CRACDL: variants seen among roughly 807,000 people sequenced by gnomAD.
CRACDL encodes the protein CRACD like, also known as CRACD-like protein.
Under a neutral mutation model 70.6 loss-of-function variants are expected in CRACDL, and 26 were observed. The ratio of observed to expected loss-of-function variants is 0.37; its 90% CI spans 0.27 to 0.51. The LOEUF (loss-of-function observed/expected upper bound fraction) is 0.51. Ranked by LOEUF, CRACDL falls within the 20% of genes least tolerant of loss-of-function variation. The pLI, the probability that CRACDL is intolerant of heterozygous loss-of-function variation, is 0.94. For synonymous variants in CRACDL, 618 were observed against 615.2 expected (o/e 1.00, Z -0.07); for missense variants, 1,283 against 1,376.9 (o/e 0.93, Z 1.08).
At chr2:98,902,415 G>A (rs2104659203) in intron 1 of CRACDL, among the ~76,000 whole-genome samples, 1 of 152,232 alleles carries the variant, frequency 6.6e-6, no homozygotes, top group East Asian at 1.9e-4. Flanking sequence ...CCTTTCCCTT[G>A]AGGACTCCAG....
At chr2:98,815,329 C>T (rs1379984808) in intron 7 of CRACDL, among the ~76,000 whole-genome samples, 1 of 152,198 alleles carries the variant, frequency 6.6e-6, no homozygotes, top group African/African-American at 2.4e-5. Context: ...TGTGCTCATT[C>T]TAGTCAGTTT....
At chr2:98,836,321 A>G (rs1300205757) in intron 3 of CRACDL, among the ~76,000 whole-genome samples, 1 of 152,134 alleles carries the variant, frequency 6.6e-6, no homozygotes, top group Non-Finnish European at 1.5e-5. Context: ...AGACTCTCCC[A>G]CAGGCCAAGC....
chr2:98,931,071 TC>T (rs1463670510), intron 1 of CRACDL, among the ~76,000 whole-genome samples: 1 of 152,104 alleles, frequency 6.6e-6, no homozygotes, highest in African/African-American at 2.4e-5. Flanking sequence ...ACGCCTGTAA[TC>T]CCAGCACTTC....
chr2:98,825,874 C>G (rs996731610), intron 6 of CRACDL, among the ~76,000 whole-genome samples: 1 of 152,254 alleles, frequency 6.6e-6, no homozygotes, highest in Non-Finnish European at 1.5e-5. Context: ...GGAAAACTCA[C>G]TCTCTTCAGG....
chr2:98,908,962 C>T (rs1708480899), intron 1 of CRACDL, among the ~76,000 whole-genome samples: 1 of 152,222 alleles, frequency 6.6e-6, no homozygotes, highest in Non-Finnish European at 1.5e-5. Context: ...GAGGTCTACA[C>T]ACGGAAAAAG....
intron 2 of CRACDL, among the ~76,000 whole-genome samples, chr2:98,838,617 T>C (rs1370638907): frequency 6.6e-6 from 1 of 152,178 alleles, no homozygotes; most frequent in Non-Finnish European, 1.5e-5. Flanking sequence ...CAGTGAGCTA[T>C]GATTGCACCG....
At chr2:98,868,122 T>C (rs543855115) in intron 1 of CRACDL, among the ~76,000 whole-genome samples, 7 of 152,344 alleles carry the variant, frequency 4.6e-5, no homozygotes, top group South Asian at 2.1e-4. Flanking sequence ...TGATGACTTA[T>C]ATGCACAGGG....
At chr2:98,930,827 A>T (rs1709055357) in intron 1 of CRACDL, among the ~76,000 whole-genome samples, 1 of 152,242 alleles carries the variant, frequency 6.6e-6, no homozygotes. Flanking sequence ...ACTGGTAGTT[A>T]TAACAAATGC....
chr2:98,844,981 G>A (rs752172584), intron 2 of CRACDL, among the ~76,000 whole-genome samples: 5 of 152,122 alleles, frequency 3.3e-5, no homozygotes, highest in African/African-American at 9.7e-5. Context: ...ACTCAGATTT[G>A]GTAGCTCCTT....
chr2:98,846,751 C>A lies in CRACDL; in HGVS notation c.50G>T (p.Gly17Val). 6.2e-7 allele frequency: 1 copy of A among 1,614,218 alleles called. No individual in the cohort carries two copies. Among genetic ancestry groups the A allele is most frequent in the Non-Finnish European group, 8.5e-7 (1 of 1,180,014 alleles). The change falls in exon 2 of 10, where the codon GGC (glycine) becomes GTC (valine). Residue 17 changes from glycine (G) to valine (V), a missense_variant. Coordinates refer to ENST00000397899, the MANE Select transcript of CRACDL (RefSeq NM_207362.3). The part of the protein sequence containing the change: ...MDIKLREAAE[G>V]LGEDSTGKKK... ...CTTACCTGTGCTGTCCTCCCCAAGG[C>A]CTTCTGCAGCCTCCCGAAGCTTAAT... is the stretch of plus-strand genomic sequence containing the variant.
rs191884713 is a variant in CRACDL, at chr2:98,848,777, G to A, written c.-10-1967C>T. Among the ~76,000 whole-genome samples, 54 of 152,244 alleles carry A rather than the reference G, an allele frequency of 3.5e-4. No homozygotes were observed. The East Asian group carries it at 6.8e-3, about 19-fold the overall frequency. ...AATTTTTTGTATTTTTTGTAGAAAC[G>A]GGGTTTCGCCATGTTGGCCAGGCTG... On this transcript the variant is annotated intron_variant, in intron 1 of 9. Coordinates refer to ENST00000397899, the MANE Select transcript of CRACDL (RefSeq NM_207362.3).
Position 98,823,344 on chromosome 2 carries a change from G to C in CRACDL, c.929C>G (p.Ala310Gly). 2.7e-6 allele frequency: 4 copies of C among 1,503,638 alleles called. No homozygotes were observed. The highest frequency in any genetic ancestry group is 3.5e-6 in the Non-Finnish European group (4 of 1,134,886). The allele number at this position is 1,503,638 out of a possible 1,614,324, so 93.1% of individuals were successfully genotyped here. ...GAGCGCGGAGGAGTGCTGCAGGCGG[G>C]CGCGTCTGGCACGGGCCCCTCCGGG... The part of the protein sequence containing the change: ...PPPGGARARR[A>G]RLQHSSALTA... The change falls in exon 7 of 10, where the codon GCC becomes GGC. Residue 310 changes from alanine to glycine, a missense_variant. Ala to Gly is a moderately conservative substitution (Grantham distance 60). This residue lies in a region of CRACDL where 362 missense variants were observed against 495.0 expected (regional missense o/e 0.73). Transcript: ENST00000397899. This position sits in a 1 kb window ranked among gnomAD's most constrained non-coding sequence, Gnocchi z 4.0.
intron 1 of CRACDL, among the ~76,000 whole-genome samples, chr2:98,864,564 T>G (rs76365987): frequency 3.3e-5 from 5 of 151,534 alleles, no homozygotes; most frequent in Non-Finnish European, 7.4e-5. Context: ...TTTTTTTTTT[T>G]GAGACGGAGT....
At chr2:98,821,498 G>T (rs1575345595) in intron 7 of CRACDL, among the ~76,000 whole-genome samples, 1 of 152,176 alleles carries the variant, frequency 6.6e-6, no homozygotes, top group Admixed American at 6.5e-5. Context: ...TCTAGATTAG[G>T]GGTGTCCAAT....
intron 1 of CRACDL, among the ~76,000 whole-genome samples, chr2:98,907,066 T>A (rs926107601): frequency 8.5e-5 from 13 of 152,080 alleles, no homozygotes; most frequent in Admixed American, 5.9e-4. Context: ...CCGAGGTGGG[T>A]TGATCACCTG....
chr2:98,853,855 A>T (rs1706583386), intron 1 of CRACDL, among the ~76,000 whole-genome samples: 1 of 152,230 alleles, frequency 6.6e-6, no homozygotes, highest in Non-Finnish European at 1.5e-5. Flanking sequence ...TCCCTAGAGA[A>T]AACACTAAAA....
At chr2:98,795,328 G>A (rs1023572932) in intron 9 of CRACDL, among the ~76,000 whole-genome samples, 5 of 151,656 alleles carry the variant, frequency 3.3e-5, no homozygotes, top group East Asian at 1.9e-4. Context: ...TGCCCGACTC[G>A]GCCTCCCAAA....
In CRACDL at chr2:98,877,949, C is replaced by CTT. The variant is rs35403434; in HGVS notation, c.-10-31141_-10-31140dup. On this transcript the variant is annotated intron_variant, in intron 1 of 9. Transcript: ENST00000397899. ...ACTATAATGTTGTACCATTTTTAAT[C>CTT]TTTTTTTTTTTTTTTGAGATGGAGT... Among the ~76,000 whole-genome samples the CTT allele has an allele frequency of 2.2e-3, 304 of 138,434 alleles. 6 individuals are homozygous for CTT. The highest frequency in any genetic ancestry group is 0.012 in the Middle Eastern group (3 of 256). The allele number at this position is 138,434 out of a possible 152,430, so 90.8% of individuals were successfully genotyped here. A position where few individuals can be genotyped will look rare whatever the true frequency, so the allele number is the denominator to read the frequency against.
intron 5 of CRACDL, among the ~76,000 whole-genome samples, chr2:98,831,752 C>T (rs549260213): frequency 3.3e-5 from 5 of 152,324 alleles, no homozygotes; most frequent in Admixed American, 2.6e-4. Context: ...CCGAGTTCCT[C>T]GGGGCCCCCC....
Sources: gnomAD v4.1 joint callset for allele counts (sites outside exome capture counted in the v4.1 genomes callset) on GRCh38, gnomAD v4.1.1 for gene constraint, gnomAD v4.1.1 regional missense constraint, Gnocchi (gnomAD v3.1) non-coding constraint, MANE v1.5 for transcripts, NCBI Gene and HGNC (gene_info 2026-07-23, HGNC 2026-07-21) for gene names.